Variants in SLC38A12 observed in about 807,000 individuals in gnomAD.
The protein encoded by SLC38A12 is putative sodium-coupled neutral amino acid transporter 12.
At chr17:74,783,754 G>A in the SLC38A12 span, among the ~76,000 whole-genome samples, 63 of 122,282 alleles carry the variant, frequency 5.2e-4, no homozygotes, top group East Asian at 0.012. Context: ...TTTTTGAGAC[G>A]GAGTCTCGCT....
the SLC38A12 span, among the ~76,000 whole-genome samples, chr17:74,817,520 G>T: frequency 1.3e-5 from 2 of 152,116 alleles, no homozygotes; most frequent in Non-Finnish European, 2.9e-5. Flanking sequence ...CATATTCCTG[G>T]TCACTCAAGT....
At chr17:74,829,269 G>A in the SLC38A12 span, among the ~76,000 whole-genome samples, 2,415 of 152,190 alleles carry the variant, frequency 0.016, 58 homozygotes, top group African/African-American at 0.055. This position sits in a 1 kb window ranked among gnomAD's most constrained non-coding sequence, Gnocchi z 4.1. Flanking sequence ...GACTACAGGC[G>A]CCCGCCACCA....
the SLC38A12 span, chr17:74,788,716 C>G: frequency 1.5e-6 from 2 of 1,376,480 alleles, no homozygotes; most frequent in Non-Finnish European, 2.0e-6. Flanking sequence ...TCGGTTCTTA[C>G]AATGGTGTTT....
At chr17:74,803,073 T>C in the SLC38A12 span, among the ~76,000 whole-genome samples, 2 of 152,154 alleles carry the variant, frequency 1.3e-5, no homozygotes, top group Non-Finnish European at 2.9e-5. Context: ...AGGTATGAAA[T>C]AAATTGGGAG....
At chr17:74,797,926 G>A in the SLC38A12 span, among the ~76,000 whole-genome samples, 1 of 152,228 alleles carries the variant, frequency 6.6e-6, no homozygotes, top group East Asian at 1.9e-4. Flanking sequence ...CCCAGAGGAG[G>A]AGGGCTGTCC....
the SLC38A12 span, among the ~76,000 whole-genome samples, chr17:74,832,664 GAGCTGCCACAC>G: frequency 6.6e-6 from 1 of 152,228 alleles, no homozygotes; most frequent in Non-Finnish European, 1.5e-5. Flanking sequence ...CCATGCAGCC[GAGCTGCCACAC>G]AGCTGGGTGA....
chr17:74,789,582 A>T, the SLC38A12 span, among the ~76,000 whole-genome samples: 1 of 150,932 alleles, frequency 6.6e-6, no homozygotes, highest in Non-Finnish European at 1.5e-5. Context: ...ACAGTGGCTC[A>T]TGCCTGCAAT....
At chr17:74,833,284 G>A in the SLC38A12 span, among the ~76,000 whole-genome samples, 1 of 152,344 alleles carries the variant, frequency 6.6e-6, no homozygotes, top group South Asian at 2.1e-4. Flanking sequence ...CAAGGTGCTG[G>A]GATTACAGGC....
the SLC38A12 span, chr17:74,836,190 G>A: frequency 2.1e-5 from 34 of 1,612,474 alleles, no homozygotes; most frequent in East Asian, 4.5e-4. The surrounding 1 kb of genome is among the most constrained non-coding windows in gnomAD (Gnocchi z 4.2). Flanking sequence ...CTTCCGCGGC[G>A]ACAGCCTCAT....
chr17:74,783,288 A>ATGC, the SLC38A12 span, among the ~76,000 whole-genome samples: 211 of 152,372 alleles, frequency 1.4e-3, no homozygotes, highest in African/African-American at 4.9e-3. Flanking sequence ...GAGAAGTGAG[A>ATGC]CGCAGCCCAC....
the SLC38A12 span, among the ~76,000 whole-genome samples, chr17:74,829,668 C>A: frequency 6.6e-6 from 1 of 152,136 alleles, no homozygotes; most frequent in South Asian, 2.1e-4. The surrounding 1 kb of genome is among the most constrained non-coding windows in gnomAD (Gnocchi z 4.1). Flanking sequence ...GGACTCAGTG[C>A]CTCAGCATCG....
At chr17:74,785,705 C>G in the SLC38A12 span, 1 of 1,438,572 alleles carries the variant, frequency 7.0e-7, no homozygotes, top group Non-Finnish European at 9.3e-7. Flanking sequence ...TGGGAAGACA[C>G]CTGTCTACCC....
At chr17:74,839,276 G>A in the SLC38A12 span, 23 of 1,164,670 alleles carry the variant, frequency 2.0e-5, no homozygotes, top group Admixed American at 1.4e-4. Flanking sequence ...TCCTCACTAC[G>A]GGGCAGGGAG....
At chr17:74,811,199 A>T in the SLC38A12 span, among the ~76,000 whole-genome samples, 1 of 152,176 alleles carries the variant, frequency 6.6e-6, no homozygotes, top group Non-Finnish European at 1.5e-5. Context: ...GCGTGGTGGC[A>T]CACGCCTGTA....
At chr17:74,839,050 G>A in the SLC38A12 span, 1 of 1,535,690 alleles carries the variant, frequency 6.5e-7, no homozygotes, top group African/African-American at 1.4e-5. Context: ...AGGTCAAGGT[G>A]GGAGTAAACT....
At chr17:74,778,154 A>G in the SLC38A12 span, among the ~76,000 whole-genome samples, 1 of 152,234 alleles carries the variant, frequency 6.6e-6, no homozygotes, top group African/African-American at 2.4e-5. Flanking sequence ...AATTAGAACA[A>G]TTAGAATGAT....
the SLC38A12 span, among the ~76,000 whole-genome samples, chr17:74,806,576 T>C: frequency 2.0e-5 from 3 of 152,166 alleles, no homozygotes; most frequent in Non-Finnish European, 4.4e-5. Context: ...TTTCATGCTC[T>C]TCAGAGCTGC....
chr17:74,804,857 G>A, the SLC38A12 span, among the ~76,000 whole-genome samples: 1 of 152,248 alleles, frequency 6.6e-6, no homozygotes, highest in South Asian at 2.1e-4. Flanking sequence ...CTGCAGGGAG[G>A]CTGTGCTTCA....
chr17:74,807,629 C>A, the SLC38A12 span, among the ~76,000 whole-genome samples: 1 of 152,258 alleles, frequency 6.6e-6, no homozygotes, highest in African/African-American at 2.4e-5. Context: ...CAGAGCACTT[C>A]TGTCTTTGGG....
Sources: allele counts gnomAD v4.1 joint callset (sites outside exome capture counted in the v4.1 genomes callset), GRCh38; gene constraint gnomAD v4.1.1; non-coding constraint Gnocchi (gnomAD v3.1); transcripts MANE v1.5; gene names NCBI Gene and HGNC (gene_info 2026-07-23, HGNC 2026-07-21).